Variants in USP45 observed in about 807,000 individuals in gnomAD.
USP45 encodes the protein ubiquitin specific peptidase 45, also known as ubiquitin carboxyl-terminal hydrolase 45.
A neutral mutation model predicts 95.8 loss-of-function variants in USP45; 89 were observed. The ratio of observed to expected loss-of-function variants is 0.93; its 90% CI spans 0.78 to 1.11. The LOEUF is 1.11. Among genes scored for constraint, USP45 ranks in the 50% least tolerant of loss-of-function variants. The pLI is 0.00. For missense variants in USP45, 898 were observed against 942.5 expected (o/e 0.95, Z 0.62); for synonymous variants, 281 against 316.2 (o/e 0.89, Z 1.18).
chr6:99,514,170 T>C (rs1021713138), intron 1 of USP45, among the ~76,000 whole-genome samples: 6 of 152,312 alleles, frequency 3.9e-5, no homozygotes, highest in Non-Finnish European at 7.3e-5. Context: ...CAATGCAGTA[T>C]GGATATAAAG....
Position 99,461,297 on chromosome 6 carries a change from A to G in USP45, c.1308+3307T>C. On this transcript the variant is annotated intron_variant, in intron 13 of 17. Coordinates refer to ENST00000500704, the MANE Select transcript of USP45 (RefSeq NM_001346022.3). ...TTTTAAAAAGCTGTGGGGAGGGGAAAGAAGGGAAGAAAAATAGCCTATGGA... is the reference window on the plus strand; with the variant it reads ...TTTTAAAAAGCTGTGGGGAGGGGAAGGAAGGGAAGAAAAATAGCCTATGGA... The G allele has an allele frequency of 3.0e-6, 3 of 985,358 alleles. No homozygotes were observed. In the South Asian group the frequency reaches 1.4e-4, roughly 46 times the overall value. 61.0% of individuals were successfully genotyped at this position (985,358 alleles called of 1,614,324 possible).
intron 13 of USP45, among the ~76,000 whole-genome samples, chr6:99,446,910 A>AT (rs1562310949): frequency 6.6e-6 from 1 of 152,116 alleles, no homozygotes; most frequent in Non-Finnish European, 1.5e-5. Context: ...TACCTGGCTA[A>AT]TTTTTTAATT....
At chr6:99,473,861 A>G (rs1013475778) in intron 9 of USP45, among the ~76,000 whole-genome samples, 1 of 151,838 alleles carries the variant, frequency 6.6e-6, no homozygotes. Flanking sequence ...ACATAGTACC[A>G]TTCCTCAAAG....
At chr6:99,444,021 A>ATTT (rs200530604) in intron 14 of USP45, among the ~76,000 whole-genome samples, 1 of 148,050 alleles carries the variant, frequency 6.8e-6, no homozygotes, top group African/African-American at 2.5e-5. Context: ...TAGATTTCTA[A>ATTT]TTTTTTTTTT....
In USP45 at chr6:99,434,512, A is replaced by G. The variant is rs1394843600; in HGVS notation, c.*1204T>C. 6.6e-6 allele frequency: 1 copy of G among 152,164 alleles called. No homozygotes were observed. Among genetic ancestry groups the G allele is most frequent in the Non-Finnish European group, 1.5e-5 (1 of 68,002 alleles). 9.4% of individuals were successfully genotyped at this position (152,164 alleles called of 1,614,324 possible). On this transcript the variant is annotated 3_prime_UTR_variant, in exon 18 of 18. Coordinates refer to ENST00000500704, the MANE Select transcript of USP45 (RefSeq NM_001346022.3). ...TTGATATTTAAGCCTAAGTAATAGTATATTCTTCATGCCAAGTTTTGACAG... is the reference window on the plus strand; with the variant it reads ...TTGATATTTAAGCCTAAGTAATAGTGTATTCTTCATGCCAAGTTTTGACAG...
Position 99,488,278 on chromosome 6 carries a change from A to ATC in USP45, c.635_636insGA (p.Tyr212Ter). Residue 212 changes from tyrosine to a stop codon, truncating the protein, a stop_gained and frameshift_variant, in exon 7 of 18, where the codon TAT becomes TAGAT. Transcript: ENST00000500704. LOFTEE classifies it high-confidence loss of function. The part of the protein sequence containing the change: ...NAVMQNLAQT[Y>*]TLTDLMNEIK... ...TCTCATTCATCAGATCAGTAAGAGTATAAGTCTGTGCCAAGTTCTAAAAGA... is the reference window on the plus strand; with the variant it reads ...TCTCATTCATCAGATCAGTAAGAGTATCTAAGTCTGTGCCAAGTTCTAAAAGA... The ATC allele has an allele frequency of 6.2e-7, 1 of 1,608,620 alleles. No individual in the cohort carries two copies. Among genetic ancestry groups the ATC allele is most frequent in the Non-Finnish European group, 8.5e-7 (1 of 1,178,322 alleles).
At chr6:99,488,587 A>G (rs1292455908) in intron 6 of USP45, 94 bp downstream of exon 6, 1 of 1,332,640 alleles carries the variant, frequency 7.5e-7, no homozygotes, top group Non-Finnish European at 1.0e-6. Flanking sequence ...CTAGAGGAAC[A>G]TTTAGCAGTC....
At chr6:99,507,841 T>C (rs895111556) in intron 3 of USP45, among the ~76,000 whole-genome samples, 1 of 152,184 alleles carries the variant, frequency 6.6e-6, no homozygotes, top group Non-Finnish European at 1.5e-5. Flanking sequence ...CAAACACACA[T>C]TTCCCAATCC....
intron 7 of USP45, among the ~76,000 whole-genome samples, chr6:99,485,335 A>T (rs1793625080): frequency 6.6e-6 from 1 of 152,048 alleles, no homozygotes; most frequent in Non-Finnish European, 1.5e-5. Context: ...ACAGAGCAAG[A>T]CTCCATCTCA....
chr6:99,442,705 G>C (rs888415360), intron 15 of USP45, among the ~76,000 whole-genome samples: 8 of 151,592 alleles, frequency 5.3e-5, no homozygotes, highest in Non-Finnish European at 1.2e-4. Flanking sequence ...AAATTAGCTA[G>C]GTGTGGTGGC....
At chr6:99,493,453 TCTG>T (rs1300053598) in intron 5 of USP45, among the ~76,000 whole-genome samples, 1 of 152,240 alleles carries the variant, frequency 6.6e-6, no homozygotes, top group Non-Finnish European at 1.5e-5. Flanking sequence ...AACAGGGATG[TCTG>T]AATCAGTCTC....
At chr6:99,497,018 T>A (rs997474977) in intron 5 of USP45, among the ~76,000 whole-genome samples, 1 of 152,156 alleles carries the variant, frequency 6.6e-6, no homozygotes, top group Non-Finnish European at 1.5e-5. Context: ...ATGACATGGA[T>A]CCAGCATTAT....
intron 9 of USP45, among the ~76,000 whole-genome samples, chr6:99,472,372 T>G (rs1395410859): frequency 6.6e-6 from 1 of 152,032 alleles, no homozygotes; most frequent in Non-Finnish European, 1.5e-5. Flanking sequence ...CGCATCACCA[T>G]GCTTGGCTAA....
At chr6:99,507,367 G>GA (rs11410603) in intron 4 of USP45, 61 bp downstream of exon 4, 478,927 of 787,256 alleles carry the variant, frequency 0.61, 107,910 homozygotes, top group East Asian at 0.71. Flanking sequence ...AAAGCTTAAA[G>GA]AAAAAAAAAA....
intron 16 of USP45, among the ~76,000 whole-genome samples, chr6:99,437,896 G>A (rs968758551): frequency 6.6e-6 from 1 of 152,106 alleles, no homozygotes; most frequent in Non-Finnish European, 1.5e-5. Context: ...GACCTCAGGT[G>A]ATCCACCTGC....
chr6:99,508,532 G>C (rs922373833), intron 3 of USP45, 78 bp downstream of exon 3: 1 of 1,382,750 alleles, frequency 7.2e-7, no homozygotes. Flanking sequence ...TCCTATGCAT[G>C]ACCAACAGTC....
At chr6:99,461,141 T>A in intron 13 of USP45, 2 of 983,886 alleles carry the variant, frequency 2.0e-6, no homozygotes, top group Non-Finnish European at 1.2e-6. Flanking sequence ...AATATACTTA[T>A]GTGTTGAAGC....
At position 99,505,589 on chromosome 6, in the gene USP45, C is replaced by T. The variant is rs140741371; in HGVS notation, c.378-1724G>A. On this transcript the variant is annotated intron_variant, in intron 4 of 17. Coordinates refer to ENST00000500704, the MANE Select transcript of USP45 (RefSeq NM_001346022.3). ...CCAGGAGGCAGAGGTTGCAGTGAGC[C>T]GAGATCACGCCACTGCACTCCAGCC... Among the ~76,000 whole-genome samples, 62 of 147,440 alleles carry T rather than the reference C, an allele frequency of 4.2e-4. No homozygotes were observed. The East Asian group carries it at 0.01, about 24-fold the overall frequency.
At chr6:99,510,672 A>T (rs1024811166) in intron 1 of USP45, among the ~76,000 whole-genome samples, 1 of 152,168 alleles carries the variant, frequency 6.6e-6, no homozygotes, top group African/African-American at 2.4e-5. Context: ...GAAGGCCCTC[A>T]CCAGATACTA....
Sources: allele counts gnomAD v4.1 joint callset (sites outside exome capture counted in the v4.1 genomes callset), GRCh38; gene constraint gnomAD v4.1.1; transcripts MANE v1.5; gene names NCBI Gene and HGNC (gene_info 2026-07-23, HGNC 2026-07-21).